ACOXL: variants seen among roughly 807,000 people sequenced by gnomAD.
ACOXL encodes acyl-coenzyme A oxidase-like protein.
A neutral mutation model predicts 71.9 loss-of-function variants in ACOXL; 70 were observed. The observed-to-expected ratio is 0.97, with a 90% confidence interval of 0.80 to 1.19. ACOXL has a LOEUF of 1.19. Ranked by LOEUF, ACOXL falls within the 50% of genes most tolerant of loss-of-function variation. The pLI is 0.00. For missense variants in ACOXL, 703 were observed against 736.3 expected (o/e 0.95, Z 0.52); for synonymous variants, 253 against 281.6 (o/e 0.90, Z 1.02).
chr2:110,981,460 A>G (rs1440729615), intron 12 of ACOXL, among the ~76,000 whole-genome samples: 1 of 152,212 alleles, frequency 6.6e-6, no homozygotes, highest in Non-Finnish European at 1.5e-5. Context: ...TTATTGGACC[A>G]TGGGGTGAGC....
At chr2:110,814,783 C>A (rs1395396479) in intron 9 of ACOXL, among the ~76,000 whole-genome samples, 3 of 152,294 alleles carry the variant, frequency 2.0e-5, no homozygotes, top group Non-Finnish European at 4.4e-5. Context: ...ATATTCCTAG[C>A]ATCAAGGTCA....
At chr2:110,753,332 T>C (rs1476098083) in intron 1 of ACOXL, among the ~76,000 whole-genome samples, 6 of 152,324 alleles carry the variant, frequency 3.9e-5, no homozygotes, top group Non-Finnish European at 7.4e-5. Context: ...ATTTATAAAT[T>C]ACCCAGTCTC....
At chr2:110,982,363 C>T (rs2062745703) in intron 12 of ACOXL, among the ~76,000 whole-genome samples, 1 of 152,012 alleles carries the variant, frequency 6.6e-6, no homozygotes. Context: ...CTCTTCTCTC[C>T]CCGCTCCTTC....
chr2:111,068,712 C>G lies in ACOXL; in HGVS notation c.1440+19424C>G, dbSNP rs78710793. 4.9e-3 allele frequency among the ~76,000 whole-genome samples: 751 copies of G among 152,300 alleles called. 2 individuals are homozygous for G. The highest frequency in any genetic ancestry group is 7.0e-3 in the Non-Finnish European group (474 of 68,014). ...AACAATTAATCCAGATGGTCACCGA[C>G]GGGTTTCTTTCACCTATAAATCCTT... On this transcript the variant is annotated intron_variant, in intron 16 of 17. Coordinates refer to ENST00000439055, the MANE Select transcript of ACOXL (RefSeq NM_001142807.4).
intron 9 of ACOXL, among the ~76,000 whole-genome samples, chr2:110,833,312 C>A (rs185870745): frequency 7.9e-5 from 12 of 152,308 alleles, no homozygotes; most frequent in South Asian, 2.1e-4. Context: ...TAAGAAAGTC[C>A]AATCCTAAAG....
Position 111,067,308 on chromosome 2 carries a change from G to A in ACOXL, c.1440+18020G>A, listed in dbSNP as rs1264158133. Among the ~76,000 whole-genome samples, 3 of 151,932 alleles carry A rather than the reference G, an allele frequency of 2.0e-5. No individual in the cohort carries two copies. In the East Asian group the frequency reaches 5.8e-4, roughly 29 times the overall value. ...TAAATAGCTAAGAAATAATGATAAT[G>A]GAAATGTAAACCAAGCAGAAAATAA... is the stretch of plus-strand genomic sequence containing the variant. On this transcript the variant is annotated intron_variant, in intron 16 of 17. Coordinates refer to ENST00000439055, the MANE Select transcript of ACOXL (RefSeq NM_001142807.4).
chr2:111,095,687 G>A (rs957862925), intron 17 of ACOXL, among the ~76,000 whole-genome samples: 13 of 152,028 alleles, frequency 8.6e-5, no homozygotes, highest in Admixed American at 2.6e-4. Flanking sequence ...CACTGCACCC[G>A]GACTGCTTTT....
chr2:110,821,440 C>G (rs1688592036), intron 9 of ACOXL, among the ~76,000 whole-genome samples: 1 of 152,114 alleles, frequency 6.6e-6, no homozygotes, highest in Non-Finnish European at 1.5e-5. Flanking sequence ...GAGCTGCCTC[C>G]CACCTGGGTG....
At chr2:110,880,153 CAAAAA>C (rs56852121) in intron 10 of ACOXL, among the ~76,000 whole-genome samples, 6 of 84,732 alleles carry the variant, frequency 7.1e-5, no homozygotes, top group Non-Finnish European at 9.1e-5. Flanking sequence ...CTGTCACAAA[CAAAAA>C]AAAAAAAAAA....
chr2:110,826,780 GT>G (rs1689216004), intron 9 of ACOXL, among the ~76,000 whole-genome samples: 2 of 70,948 alleles, frequency 2.8e-5, no homozygotes. Flanking sequence ...TTTTTTTTTT[GT>G]TTTAAGGAGC....
chr2:110,881,546 G>A (rs923656812), intron 10 of ACOXL, among the ~76,000 whole-genome samples: 2 of 151,982 alleles, frequency 1.3e-5, no homozygotes, highest in Non-Finnish European at 2.9e-5. Context: ...TCATGGCATG[G>A]CACCATCGCC....
intron 15 of ACOXL, among the ~76,000 whole-genome samples, chr2:111,044,793 GA>G (rs2065938454): frequency 6.6e-6 from 1 of 152,172 alleles, no homozygotes; most frequent in Non-Finnish European, 1.5e-5. Flanking sequence ...GACTGCAGGG[GA>G]TGAGGCCATT....
chr2:110,962,951 C>G (rs980263238), intron 12 of ACOXL, among the ~76,000 whole-genome samples: 1 of 152,144 alleles, frequency 6.6e-6, no homozygotes, highest in East Asian at 1.9e-4. Flanking sequence ...GGGGAAGGAC[C>G]TGGGACCCAC....
chr2:110,818,544 T>A (rs560243962), intron 9 of ACOXL, among the ~76,000 whole-genome samples: 16 of 150,700 alleles, frequency 1.1e-4, no homozygotes, highest in Non-Finnish European at 2.4e-4. Context: ...TGTGTATAAG[T>A]AGGTATATAT....
chr2:110,842,234 G>A (rs373405695), intron 10 of ACOXL, among the ~76,000 whole-genome samples: 3 of 152,180 alleles, frequency 2.0e-5, no homozygotes, highest in Non-Finnish European at 2.9e-5. Context: ...AGAAAGCTGG[G>A]GGGGAGCCAT....
At chr2:110,771,540 A>G (rs964782988) in intron 2 of ACOXL, among the ~76,000 whole-genome samples, 4 of 152,254 alleles carry the variant, frequency 2.6e-5, no homozygotes, top group Non-Finnish European at 5.9e-5. Context: ...CTCTATGGAC[A>G]GTCCGCAGGC....
At chr2:111,084,258 T>TAC (rs61263209) in intron 16 of ACOXL, among the ~76,000 whole-genome samples, 6,986 of 134,842 alleles carry the variant, frequency 0.052, 237 homozygotes, top group Admixed American at 0.1. Flanking sequence ...ATCTAAGGAA[T>TAC]ACACACACAC....
intron 15 of ACOXL, among the ~76,000 whole-genome samples, chr2:111,039,507 TAAC>T (rs2065676185): frequency 1.3e-5 from 2 of 152,234 alleles, no homozygotes; most frequent in Non-Finnish European, 2.9e-5. Context: ...GGGAATATGT[TAAC>T]AAGGTAATTA....
intron 11 of ACOXL, among the ~76,000 whole-genome samples, chr2:110,914,796 T>C (rs982135786): frequency 2.6e-5 from 4 of 152,220 alleles, no homozygotes; most frequent in East Asian, 1.9e-4. Context: ...TTAACATGAA[T>C]GTTCACTGCA....
Sources: allele counts gnomAD v4.1 joint callset (sites outside exome capture counted in the v4.1 genomes callset), GRCh38; gene constraint gnomAD v4.1.1; transcripts MANE v1.5; gene names NCBI Gene and HGNC (gene_info 2026-07-23, HGNC 2026-07-21).